Variants in MSH3 observed in about 807,000 individuals in gnomAD.
MSH3 encodes mutS homolog 3.
MSH3 carries 106 observed loss-of-function variants against 123.3 expected under a neutral mutation model. The ratio of observed to expected loss-of-function variants is 0.86; its 90% CI spans 0.73 to 1.01. The LOEUF is 1.01. Among genes scored for constraint, MSH3 ranks in the 50% least tolerant of loss-of-function variants. The pLI, the probability that MSH3 is intolerant of heterozygous loss-of-function variation, is 0.00. For synonymous variants in MSH3, 515 were observed against 481.4 expected (o/e 1.07, Z -0.91); for missense variants, 1,459 against 1,347.6 (o/e 1.08, Z -1.29).
At chr5:80,680,912 T>C (rs545609822) in intron 8 of MSH3, among the ~76,000 whole-genome samples, 2 of 152,216 alleles carry the variant, frequency 1.3e-5, no homozygotes, top group Non-Finnish European at 2.9e-5. Flanking sequence ...GTATTATAAA[T>C]ACTGTTATGA....
intron 19 of MSH3, among the ~76,000 whole-genome samples, chr5:80,793,327 C>T (rs1303548334): frequency 5.9e-5 from 9 of 152,186 alleles, no homozygotes; most frequent in African/African-American, 1.9e-4. Context: ...CACATACTTA[C>T]TGAGTGCCTG....
At chr5:80,868,518 C>A (rs1370082353) in intron 22 of MSH3, among the ~76,000 whole-genome samples, 2 of 148,928 alleles carry the variant, frequency 1.3e-5, no homozygotes, top group African/African-American at 5.0e-5. Context: ...AATGCAGGAA[C>A]AGAAAACCAA....
rs1321078782 is a variant in MSH3 at position 80,692,473 on chromosome 5, TAG to T, written c.1340+13382_1340+13383del. Among the ~76,000 whole-genome samples, 482 of 54,938 alleles carry T rather than the reference TAG, an allele frequency of 8.8e-3. 12 individuals are homozygous for T. The highest frequency in any genetic ancestry group is 0.028 in the Middle Eastern group (1 of 36). The allele number at this position is 54,938 out of a possible 152,430, so 36.0% of individuals were successfully genotyped here. ...TTAGATAGATAAACATGTATATGTT[TAG>T]ATAGATAAACATGTATATGTTTAGA... is the stretch of plus-strand genomic sequence containing the variant. On this transcript the variant is annotated intron_variant, in intron 8 of 23. Transcript: ENST00000265081.
At chr5:80,789,867 G>A (rs148568942) in intron 18 of MSH3, among the ~76,000 whole-genome samples, 27 of 152,234 alleles carry the variant, frequency 1.8e-4, no homozygotes, top group African/African-American at 6.3e-4. Flanking sequence ...AAAGACCAAT[G>A]AATCACCAAG....
intron 20 of MSH3, among the ~76,000 whole-genome samples, chr5:80,826,991 A>G (rs1331595074): frequency 2.0e-5 from 3 of 152,190 alleles, no homozygotes; most frequent in African/African-American, 4.8e-5. Context: ...ATGTGTACTC[A>G]TCGATGAAAT....
At chr5:80,705,273 C>G (rs1395406419) in intron 8 of MSH3, among the ~76,000 whole-genome samples, 1 of 152,138 alleles carries the variant, frequency 6.6e-6, no homozygotes. Context: ...AGTTGAGGTT[C>G]TAATCTTAGC....
intron 19 of MSH3, among the ~76,000 whole-genome samples, chr5:80,805,961 G>T (rs1278583778): frequency 1.3e-5 from 2 of 152,056 alleles, no homozygotes; most frequent in Non-Finnish European, 2.9e-5. Context: ...TTCTTTTTAT[G>T]GGTGAATGCT....
intron 8 of MSH3, among the ~76,000 whole-genome samples, chr5:80,704,107 C>G (rs746971256): frequency 2.0e-5 from 3 of 152,110 alleles, no homozygotes; most frequent in African/African-American, 7.2e-5. Context: ...GTGGGGCTCC[C>G]TGATTTTCTG....
In MSH3 at chr5:80,673,406, G is replaced by A. The variant is rs112930290; in HGVS notation, c.1027+548G>A. On this transcript the variant is annotated intron_variant, in intron 6 of 23. Transcript: ENST00000265081. Reference sequence around the variant, plus strand: ...TAGCTGGGCATGTTGGCACTTGCCCGTAGTCCCAGCTACTTGGGTGGCTGA... The same window carrying A: ...TAGCTGGGCATGTTGGCACTTGCCCATAGTCCCAGCTACTTGGGTGGCTGA... Among the ~76,000 whole-genome samples, 419 of 152,224 alleles carry A rather than the reference G, an allele frequency of 2.8e-3. 4 individuals carry two copies. Among genetic ancestry groups the A allele is most frequent in the Middle Eastern group, 3.4e-3 (1 of 294 alleles).
At chr5:80,844,567 A>G (rs1302515901) in intron 20 of MSH3, among the ~76,000 whole-genome samples, 3 of 152,148 alleles carry the variant, frequency 2.0e-5, no homozygotes, top group South Asian at 2.1e-4. Flanking sequence ...GACTTGCTTT[A>G]TGAATCTGGA....
At chr5:80,770,061 A>T (rs924654938) in intron 15 of MSH3, among the ~76,000 whole-genome samples, 1 of 152,194 alleles carries the variant, frequency 6.6e-6, no homozygotes, top group East Asian at 1.9e-4. Flanking sequence ...TGATTTGACA[A>T]TATTTATACT....
chr5:80,775,213 A>G (rs1744277705), intron 15 of MSH3, among the ~76,000 whole-genome samples: 1 of 152,230 alleles, frequency 6.6e-6, no homozygotes, highest in Admixed American at 6.5e-5. Flanking sequence ...TCCTGTGAAG[A>G]GACTTTTACA....
intron 16 of MSH3, among the ~76,000 whole-genome samples, chr5:80,776,867 CATATATAAT>C (rs1744311810): frequency 6.8e-6 from 1 of 146,282 alleles, no homozygotes; most frequent in Non-Finnish European, 1.5e-5. Flanking sequence ...TACTTTATTA[CATATATAAT>C]ATATATAATA....
intron 18 of MSH3, among the ~76,000 whole-genome samples, chr5:80,789,238 C>A (rs1744566722): frequency 1.3e-5 from 2 of 152,024 alleles, no homozygotes; most frequent in South Asian, 4.2e-4. Flanking sequence ...GAATTTGTAA[C>A]CCACCTAGAC....
chr5:80,803,943 G>T (rs1174022270), intron 19 of MSH3, among the ~76,000 whole-genome samples: 1 of 152,142 alleles, frequency 6.6e-6, no homozygotes, highest in Non-Finnish European at 1.5e-5. Context: ...GTACCATGCT[G>T]TTTTGGTTAT....
intron 7 of MSH3, among the ~76,000 whole-genome samples, chr5:80,675,449 T>C (rs1383675255): frequency 6.6e-6 from 1 of 151,998 alleles, no homozygotes; most frequent in Admixed American, 6.6e-5. Context: ...CTCAGGAAAC[T>C]TACAATCATG....
intron 8 of MSH3, among the ~76,000 whole-genome samples, chr5:80,690,876 A>G (rs1750228261): frequency 6.6e-6 from 1 of 152,148 alleles, no homozygotes; most frequent in Non-Finnish European, 1.5e-5. Context: ...AGTAAGGGTA[A>G]GTATTTCATG....
At chr5:80,695,960 A>G (rs1437975527) in intron 8 of MSH3, among the ~76,000 whole-genome samples, 1 of 152,136 alleles carries the variant, frequency 6.6e-6, no homozygotes, top group Non-Finnish European at 1.5e-5. Flanking sequence ...GCTTTCCCTG[A>G]CACTGCTTCA....
At chr5:80,799,839 G>A (rs1175314339) in intron 19 of MSH3, among the ~76,000 whole-genome samples, 1 of 152,116 alleles carries the variant, frequency 6.6e-6, no homozygotes, top group Admixed American at 6.6e-5. Flanking sequence ...CCTGTATAAT[G>A]GGAATCCAGT....
Sources: allele counts gnomAD v4.1 joint callset (sites outside exome capture counted in the v4.1 genomes callset), GRCh38; gene constraint gnomAD v4.1.1; transcripts MANE v1.5; gene names NCBI Gene and HGNC (gene_info 2026-07-23, HGNC 2026-07-21).